AVIL: variants seen among roughly 807,000 people sequenced by gnomAD.
AVIL encodes the protein advillin.
Under a neutral mutation model 109.9 loss-of-function variants are expected in AVIL, and 78 were observed. The observed-to-expected ratio is 0.71, with a 90% CI of 0.59 to 0.86. AVIL has a LOEUF of 0.86. Ranked by LOEUF, AVIL falls within the 40% of genes least tolerant of loss-of-function variation. The probability of loss-of-function intolerance (pLI) is 0.00; values close to 1 mark genes in which losing one functional copy is unlikely to be tolerated. For synonymous variants in AVIL, 367 were observed against 379.1 expected (o/e 0.97, Z 0.37); for missense variants, 892 against 1,016.5 (o/e 0.88, Z 1.67).
In AVIL at chr12:57,809,880, A is replaced by C. The variant is rs1340598848; in HGVS notation, c.772T>G (p.Ser258Ala). The C allele has an allele frequency of 1.2e-6, 2 of 1,614,174 alleles. No homozygotes were observed. The highest frequency in any genetic ancestry group is 2.2e-5 in the South Asian group (2 of 91,082). Reference protein sequence around the residue: ...STIMLYHISDSAGQLAVTEVA... With the variant: ...STIMLYHISDAAGQLAVTEVA... The stretch of plus-strand genomic sequence containing the variant: ...TCTGTGACTGCCAGCTGCCCAGCTG[A>C]ATCTGAGATACTGGAGAAGGGGAGA... The change falls in exon 8 of 20, where the codon TCA (serine) becomes GCA (alanine). Residue 258 changes from serine to alanine, a missense_variant. Physicochemically the swap from Ser to Ala is moderately conservative, Grantham distance 99. Coordinates refer to ENST00000549994, the MANE Select transcript of AVIL (RefSeq NM_006576.4).
chr12:57,806,884 C>T (rs886594325), intron 13 of AVIL, among the ~76,000 whole-genome samples: 4 of 152,176 alleles, frequency 2.6e-5, no homozygotes, highest in Non-Finnish European at 5.9e-5. Context: ...GGACTTGACC[C>T]CAGACTTGTG....
intron 1 of AVIL, among the ~76,000 whole-genome samples, chr12:57,818,182 C>CTTGTTTTTTTTTT: frequency 2.8e-5 from 1 of 35,256 alleles, no homozygotes; most frequent in Non-Finnish European, 5.3e-5. Context: ...CCATGCTTGG[C>CTTGTTTTTTTTTT]TTTTTTTTTT....
rs1956060249 is a variant in AVIL, at chr12:57,813,294, CAGG to C, written c.268_270del (p.Pro90del). The stretch of plus-strand genomic sequence containing the variant: ...TGGTACTGGACCTCTCGGTGCTGCA[CAGG>C]GCTGCCTCCCAGGTAGTCGTCCAGC... On this transcript the variant is annotated inframe_deletion, in exon 4 of 20. Coordinates refer to ENST00000549994, the MANE Select transcript of AVIL (RefSeq NM_006576.4). 2.5e-6 allele frequency: 4 copies of C among 1,614,014 alleles called. No individual in the cohort carries two copies. The highest frequency in any genetic ancestry group is 3.4e-6 in the Non-Finnish European group (4 of 1,180,038).
intron 2 of AVIL, 129 bp from the exon 3 acceptor site, chr12:57,814,355 C>T (rs1046918354): frequency 2.1e-6 from 2 of 931,830 alleles, no homozygotes; most frequent in Non-Finnish European, 3.2e-6. Context: ...AATGACCTTA[C>T]AGGATGTGAG....
intron 6 of AVIL, 39 bp from the exon 7 acceptor site, chr12:57,810,590 G>C: frequency 6.2e-7 from 1 of 1,606,312 alleles, no homozygotes; most frequent in Non-Finnish European, 8.5e-7. Flanking sequence ...GCTCCTCTGG[G>C]ACCCCTTTCT....
chr12:57,800,621 T>A (rs904992909), intron 18 of AVIL: 1 of 152,858 alleles, frequency 6.5e-6, no homozygotes, highest in Non-Finnish European at 1.5e-5. Context: ...TGTTGTTGTG[T>A]TTTTGAGACG....
chr12:57,805,350 C>T (rs1227638153), intron 14 of AVIL, among the ~76,000 whole-genome samples: 1 of 152,152 alleles, frequency 6.6e-6, no homozygotes, highest in Non-Finnish European at 1.5e-5. Flanking sequence ...AGCCACCGCG[C>T]CCGGCCTTAG....
chr12:57,803,779 C>T (rs1443816079), intron 14 of AVIL, 110 bp from the exon 15 acceptor site: 4 of 1,407,420 alleles, frequency 2.8e-6, no homozygotes, highest in Admixed American at 2.1e-5. Flanking sequence ...AGCTACCAAA[C>T]CACAGTCCCT....
intron 3 of AVIL, 26 bp downstream of exon 3, chr12:57,814,126 A>G: frequency 6.2e-7 from 1 of 1,611,036 alleles, no homozygotes. Flanking sequence ...GGAGAGGCTC[A>G]CAGGAGTGGG....
intron 9 of AVIL, chr12:57,809,299 CCT>C: frequency 2.5e-6 from 1 of 403,256 alleles, no homozygotes; most frequent in South Asian, 2.6e-5. Context: ...TGCGCCCGGC[CCT>C]GAGTGCTTTA....
intron 19 of AVIL, among the ~76,000 whole-genome samples, chr12:57,799,151 C>A (rs1955795898): frequency 6.6e-6 from 1 of 152,012 alleles, no homozygotes; most frequent in Non-Finnish European, 1.5e-5. Context: ...GAAATGCCTC[C>A]CTGGGGAGGT....
chr12:57,811,499 G>A (rs929054118), intron 4 of AVIL, among the ~76,000 whole-genome samples: 1 of 152,194 alleles, frequency 6.6e-6, no homozygotes, highest in African/African-American at 2.4e-5. Flanking sequence ...ACTGGGAGAG[G>A]GATACAAGTT....
chr12:57,815,928 T>C, intron 2 of AVIL, 47 bp downstream of exon 2: 1 of 1,612,850 alleles, frequency 6.2e-7, no homozygotes, highest in Non-Finnish European at 8.5e-7. Context: ...GCCAGACTGC[T>C]TCCAGATGCC....
intron 3 of AVIL, among the ~76,000 whole-genome samples, chr12:57,813,894 GGGA>G (rs1956069321): frequency 6.6e-6 from 1 of 152,174 alleles, no homozygotes; most frequent in Admixed American, 6.5e-5. Context: ...GCCTAGGCCC[GGGA>G]GAAGTGCTGC....
intron 15 of AVIL, 53 bp from the exon 16 acceptor site, chr12:57,803,444 CTG>C (rs1955889751): frequency 7.4e-6 from 12 of 1,613,404 alleles, no homozygotes; most frequent in Non-Finnish European, 9.3e-6. Context: ...GTTTTTAAAA[CTG>C]AGGTTTTAGC....
intron 10 of AVIL, 38 bp from the exon 11 acceptor site, chr12:57,808,332 A>T: frequency 6.2e-7 from 1 of 1,614,084 alleles, no homozygotes; most frequent in Non-Finnish European, 8.5e-7. Context: ...AGTGAGTAAG[A>T]AGCATCTGTG....
Position 57,798,092 on chromosome 12 carries a change from T to C in AVIL, c.2347-97A>G, listed in dbSNP as rs758418997. On this transcript the variant is annotated intron_variant, in intron 19 of 19. Coordinates refer to ENST00000549994, the MANE Select transcript of AVIL (RefSeq NM_006576.4). ...GGAGCAAGAGGGAGTTCTAGGTGGA[T>C]CCTTGAAGAGGGAAGTAGAATGAAT... The C allele has an allele frequency of 1.6e-4, 114 of 720,752 alleles. 1 individual carries two copies. Among genetic ancestry groups the C allele is most frequent in the Non-Finnish European group, 2.4e-4 (110 of 459,616 alleles). The allele number at this position is 720,752 out of a possible 1,614,324, so 44.6% of individuals were successfully genotyped here. A position where few individuals can be genotyped will look rare whatever the true frequency, so the allele number is the denominator to read the frequency against.
At chr12:57,809,252 G>A (rs923594083) in intron 9 of AVIL, 1 of 254,944 alleles carries the variant, frequency 3.9e-6, no homozygotes, top group South Asian at 5.0e-5. Context: ...CACCTGCCTC[G>A]GCCTCCCAAA....
Position 57,811,147 on chromosome 12 carries a change from GTTAT to G in AVIL, c.339-24_339-21del. 6.2e-7 allele frequency: 1 copy of G among 1,609,936 alleles called. No individual in the cohort carries two copies. Among genetic ancestry groups the G allele is most frequent in the Non-Finnish European group, 8.5e-7 (1 of 1,176,322 alleles). On this transcript the variant is annotated intron_variant, in intron 4 of 19. Coordinates refer to ENST00000549994, the MANE Select transcript of AVIL (RefSeq NM_006576.4). ...TTGTAGCTAAGGGAACATCCATTCAGTTATTTGAGTGCCTGCTATGTGCTAGGTT... is the reference window on the plus strand; with the variant it reads ...TTGTAGCTAAGGGAACATCCATTCAGTTGAGTGCCTGCTATGTGCTAGGTT...
Sources: allele counts gnomAD v4.1 joint callset (sites outside exome capture counted in the v4.1 genomes callset), GRCh38; gene constraint gnomAD v4.1.1; transcripts MANE v1.5; gene names NCBI Gene and HGNC (gene_info 2026-07-23, HGNC 2026-07-21).